RARB: variants seen among roughly 807,000 people sequenced by gnomAD.
The protein encoded by RARB is retinoic acid receptor beta, also known as HBV-activated protein.
Under a neutral mutation model 51.9 loss-of-function variants are expected in RARB, and 17 were observed. The observed-to-expected ratio is 0.33, with a 90% confidence interval of 0.22 to 0.49. RARB has a LOEUF of 0.49. Among genes scored for constraint, RARB ranks in the 20% least tolerant of loss-of-function variants. The pLI is 0.99. For missense variants in RARB, 369 were observed against 550.8 expected (o/e 0.67, Z 3.30); for synonymous variants, 215 against 195.4 (o/e 1.10, Z -0.84).
chr3:25,467,447 C>G (rs1290169044), intron 2 of RARB, among the ~76,000 whole-genome samples: 1 of 152,216 alleles, frequency 6.6e-6, no homozygotes, highest in African/African-American at 2.4e-5. Context: ...ATTAGCCTAG[C>G]CTAGGCTTCT....
chr3:25,253,029 C>G (rs1702768348), intron 5 of RARB, among the ~76,000 whole-genome samples: 1 of 152,176 alleles, frequency 6.6e-6, no homozygotes, highest in Non-Finnish European at 1.5e-5. Context: ...GTAAGTTAAG[C>G]TGAACTGTCT....
chr3:25,191,534 G>T (rs2649616), intron 5 of RARB, among the ~76,000 whole-genome samples: 30,489 of 151,860 alleles, frequency 0.2, 3,209 homozygotes, highest in South Asian at 0.26. Context: ...TCCAAAAATG[G>T]ACAGCTATGA....
intron 1 of RARB, among the ~76,000 whole-genome samples, chr3:24,839,464 C>G (rs1349426971): frequency 6.6e-6 from 1 of 151,190 alleles, no homozygotes; most frequent in East Asian, 1.9e-4. Flanking sequence ...ACACTTTGGG[C>G]TGAGGTGAGA....
At chr3:25,126,081 TA>T (rs1194324934) in intron 3 of RARB, among the ~76,000 whole-genome samples, 1 of 152,190 alleles carries the variant, frequency 6.6e-6, no homozygotes, top group African/African-American at 2.4e-5. Flanking sequence ...CATAGATTTT[TA>T]TTAAAATTTT....
At chr3:25,002,251 C>T (rs762535946) in intron 2 of RARB, among the ~76,000 whole-genome samples, 17 of 152,206 alleles carry the variant, frequency 1.1e-4, no homozygotes, top group South Asian at 2.1e-4. Context: ...ACACTTCCCA[C>T]GTTTATCAGG....
intron 2 of RARB, among the ~76,000 whole-genome samples, chr3:24,888,093 G>A (rs1056226492): frequency 6.6e-6 from 1 of 152,026 alleles, no homozygotes; most frequent in East Asian, 1.9e-4. Flanking sequence ...TCATTTTTGA[G>A]GGATAAAAAA....
At chr3:25,191,732 T>A (rs1458007366) in intron 5 of RARB, among the ~76,000 whole-genome samples, 1 of 152,040 alleles carries the variant, frequency 6.6e-6, no homozygotes, top group African/African-American at 2.4e-5. Context: ...AACCAGAAAT[T>A]CTCTGTTCCC....
chr3:25,131,196 G>A (rs916926899), intron 3 of RARB, among the ~76,000 whole-genome samples: 10 of 151,778 alleles, frequency 6.6e-5, no homozygotes, highest in Admixed American at 1.3e-4. Flanking sequence ...AGGTGCCTAC[G>A]GAATAAGCCA....
intron 4 of RARB, among the ~76,000 whole-genome samples, chr3:25,577,556 A>T (rs1010230184): frequency 6.6e-6 from 1 of 152,178 alleles, no homozygotes; most frequent in Non-Finnish European, 1.5e-5. Flanking sequence ...TTAATTCTTT[A>T]TTTCTTTAAT....
intron 2 of RARB, among the ~76,000 whole-genome samples, chr3:24,976,471 G>T (rs1373279016): frequency 6.6e-6 from 1 of 152,112 alleles, no homozygotes; most frequent in African/African-American, 2.4e-5. Context: ...TCTAACTGCC[G>T]TGGGATGGTA....
chr3:24,899,260 G>A lies in RARB; in HGVS notation c.-380+40508G>A, dbSNP rs542082377. ...CCCTGTGTGACCGCACAGATCACAC[G>A]TACATGAAGCTAGCCCTACCTTCCG... On this transcript the variant is annotated intron_variant, in intron 2 of 11. Transcript: ENST00000383772. Among the ~76,000 whole-genome samples, 4 of 152,264 alleles carry A rather than the reference G, an allele frequency of 2.6e-5. No individual in the cohort carries two copies. In the South Asian group the frequency reaches 6.2e-4, roughly 24 times the overall value.
intron 5 of RARB, among the ~76,000 whole-genome samples, chr3:25,234,832 G>A (rs1185259666): frequency 2.0e-5 from 3 of 152,068 alleles, no homozygotes; most frequent in Non-Finnish European, 4.4e-5. Context: ...AGCCCACAGG[G>A]ACCCATTTTT....
At chr3:25,530,147 C>G (rs535694937) in intron 3 of RARB, among the ~76,000 whole-genome samples, 2 of 152,272 alleles carry the variant, frequency 1.3e-5, no homozygotes, top group East Asian at 3.9e-4. Context: ...GTTATCTACC[C>G]CTTATATCCC....
chr3:25,028,495 T>C (rs1697800560), intron 2 of RARB, among the ~76,000 whole-genome samples: 1 of 152,174 alleles, frequency 6.6e-6, no homozygotes, highest in African/African-American at 2.4e-5. Flanking sequence ...TGCCAATATG[T>C]AGTTTCAAAT....
chr3:25,569,658 C>T, intron 3 of RARB, 100 bp from the exon 4 acceptor site: 1 of 1,354,060 alleles, frequency 7.4e-7, no homozygotes, highest in Admixed American at 2.3e-5. Flanking sequence ...TCCCAAATAT[C>T]AAATGAGCTT....
chr3:25,248,835 A>G (rs1702634432), intron 5 of RARB, among the ~76,000 whole-genome samples: 2 of 152,106 alleles, frequency 1.3e-5, no homozygotes, highest in South Asian at 4.1e-4. Flanking sequence ...CTTATAAGTC[A>G]TTAGATTCTT....
chr3:24,972,159 T>C (rs1297796928), intron 2 of RARB, among the ~76,000 whole-genome samples: 3 of 151,872 alleles, frequency 2.0e-5, no homozygotes, highest in Non-Finnish European at 4.4e-5. Flanking sequence ...CCCTACGCTT[T>C]CTGGCCTCTC....
intron 2 of RARB, among the ~76,000 whole-genome samples, chr3:24,927,441 T>C (rs946401283): frequency 6.6e-6 from 1 of 152,106 alleles, no homozygotes; most frequent in Non-Finnish European, 1.5e-5. Flanking sequence ...TGCACGGCAA[T>C]GGAATGCAGT....
At chr3:24,878,219 T>A (rs1339528070) in intron 2 of RARB, among the ~76,000 whole-genome samples, 13 of 152,122 alleles carry the variant, frequency 8.5e-5, no homozygotes, top group Admixed American at 8.5e-4. Context: ...CATTTTTTTT[T>A]TTTTTGCTTG....
Sources: gnomAD v4.1 joint callset for allele counts (sites outside exome capture counted in the v4.1 genomes callset) on GRCh38, gnomAD v4.1.1 for gene constraint, MANE v1.5 for transcripts, NCBI Gene and HGNC (gene_info 2026-07-23, HGNC 2026-07-21) for gene names.